Variants in ZNRF1 observed in about 807,000 individuals in gnomAD.
ZNRF1 encodes zinc and ring finger 1, also known as E3 ubiquitin-protein ligase ZNRF1.
ZNRF1 carries 3 observed loss-of-function variants against 18.4 expected under a neutral mutation model. The ratio of observed to expected loss-of-function variants is 0.16; its 90% CI spans 0.07 to 0.42. The LOEUF is 0.42. Among genes scored for constraint, ZNRF1 ranks in the 10% least tolerant of loss-of-function variants. The pLI is 0.99. For synonymous variants in ZNRF1, 157 were observed against 144.2 expected (o/e 1.09, Z -0.64); for missense variants, 310 against 329.8 (o/e 0.94, Z 0.47).
chr16:75,048,641 AT>A (rs750269730), intron 1 of ZNRF1, among the ~76,000 whole-genome samples: 13 of 152,200 alleles, frequency 8.5e-5, no homozygotes, highest in Non-Finnish European at 1.8e-4. Flanking sequence ...GAATAGAACC[AT>A]TAGGGCCTGC....
chr16:75,095,711 A>G (rs1275111291), intron 2 of ZNRF1: 3 of 1,548,372 alleles, frequency 1.9e-6, no homozygotes, highest in South Asian at 1.2e-5. Context: ...CATGGCCCAA[A>G]TGCAGAGTTA....
chr16:75,032,178 C>A (rs1238948084), intron 1 of ZNRF1, among the ~76,000 whole-genome samples: 1 of 141,260 alleles, frequency 7.1e-6, no homozygotes, highest in Non-Finnish European at 1.5e-5. Context: ...GGTACGGTCT[C>A]AGCTTACTAC....
intron 2 of ZNRF1, among the ~76,000 whole-genome samples, chr16:75,097,454 C>CTTATG (rs2036212495): frequency 2.0e-5 from 3 of 152,142 alleles, no homozygotes; most frequent in Admixed American, 2.0e-4. Flanking sequence ...TCATGATGCC[C>CTTATG]TCTTCCTCCC....
chr16:75,047,661 A>G (rs150380847), intron 1 of ZNRF1, among the ~76,000 whole-genome samples: 39 of 152,148 alleles, frequency 2.6e-4, no homozygotes, highest in African/African-American at 9.4e-4. Context: ...TACCATTTGT[A>G]GATTTTCTTG....
intron 1 of ZNRF1, among the ~76,000 whole-genome samples, chr16:75,084,214 G>C (rs748667655): frequency 6.6e-6 from 1 of 152,156 alleles, no homozygotes; most frequent in Admixed American, 6.5e-5. Context: ...CCTTAACTTC[G>C]AAGAGAGCAG....
intron 1 of ZNRF1, among the ~76,000 whole-genome samples, chr16:75,085,963 T>C (rs1469594400): frequency 6.6e-6 from 1 of 151,984 alleles, no homozygotes; most frequent in East Asian, 1.9e-4. Context: ...AGTTCGAGTT[T>C]GAAGGCCTGA....
At chr16:75,104,568 A>G in intron 2 of ZNRF1, 1 of 435,772 alleles carries the variant, frequency 2.3e-6, no homozygotes, top group Non-Finnish European at 4.2e-6. Context: ...GATTAATCCC[A>G]TTTTGTCTTT....
intron 2 of ZNRF1, 29 bp downstream of exon 2, chr16:75,093,696 CCAGAGCATCCGT>C: frequency 6.3e-7 from 1 of 1,586,572 alleles, no homozygotes; most frequent in Non-Finnish European, 8.7e-7. Flanking sequence ...TCACCAGCCT[CCAGAGCATCCGT>C]CGGGGGAGCC....
chr16:75,051,409 A>G (rs897564595), intron 1 of ZNRF1, among the ~76,000 whole-genome samples: 1 of 151,528 alleles, frequency 6.6e-6, no homozygotes, highest in Non-Finnish European at 1.5e-5. Flanking sequence ...GGGTTTCCTC[A>G]TGGTGGCCAG....
chr16:75,019,386 C>G (rs1417170992), intron 1 of ZNRF1, among the ~76,000 whole-genome samples: 3 of 152,080 alleles, frequency 2.0e-5, no homozygotes, highest in Admixed American at 1.3e-4. Context: ...TCTTCCCATG[C>G]TGGAGTGCAA....
chr16:75,054,829 C>T (rs925908842), intron 1 of ZNRF1, among the ~76,000 whole-genome samples: 4 of 152,188 alleles, frequency 2.6e-5, no homozygotes, highest in African/African-American at 4.8e-5. Flanking sequence ...GTGCTTTGGC[C>T]TTCACTGCCC....
chr16:75,078,228 G>A, intron 1 of ZNRF1, among the ~76,000 whole-genome samples: 1 of 150,884 alleles, frequency 6.6e-6, no homozygotes, highest in East Asian at 1.9e-4. Flanking sequence ...TCTGAGCCCA[G>A]ATCTCTGTTT....
Position 75,107,719 on chromosome 16 carries a change from T to A in ZNRF1, c.*33-14T>A, listed in dbSNP as rs1217668710. 5 of 456,368 alleles carry A rather than the reference T, an allele frequency of 1.1e-5. No individual in the cohort carries two copies. The Admixed American group carries it at 1.2e-4, about 11-fold the overall frequency. 28.3% of individuals were successfully genotyped at this position (456,368 alleles called of 1,614,324 possible). On this transcript the variant is annotated splice_polypyrimidine_tract_variant and intron_variant, in intron 4 of 4. Transcript: ENST00000335325. ...GCCCGATGGAGCACGACTTATTTAT[T>A]ACGGTCCACACAGGGACAGAGCGCC... is the stretch of plus-strand genomic sequence containing the variant.
At position 75,026,069 on chromosome 16, in the gene ZNRF1, A is replaced by G. The variant is rs148324529; in HGVS notation, c.424+25974A>G. Among the ~76,000 whole-genome samples, 70 of 152,282 alleles carry G rather than the reference A, an allele frequency of 4.6e-4. No individual in the cohort carries two copies. In the East Asian group the frequency reaches 0.011, roughly 24 times the overall value. ...AGGGGTCTTGTGTGGGATTGATCCA[A>G]TAACCCCATAGTTTGAGTCAGGTGA... On this transcript the variant is annotated intron_variant, in intron 1 of 4. Coordinates refer to ENST00000335325, the MANE Select transcript of ZNRF1 (RefSeq NM_032268.5).
chr16:75,035,340 T>TA (rs2035364159), intron 1 of ZNRF1, among the ~76,000 whole-genome samples: 1 of 152,224 alleles, frequency 6.6e-6, no homozygotes, highest in East Asian at 1.9e-4. Flanking sequence ...GGCCTTAAAA[T>TA]GTTTTTCTTA....
At chr16:75,046,208 A>G (rs928616038) in intron 1 of ZNRF1, among the ~76,000 whole-genome samples, 12 of 149,738 alleles carry the variant, frequency 8.0e-5, no homozygotes, top group Middle Eastern at 7.3e-3. Context: ...CGCCCAGCCA[A>G]ATGTTTGCAT....
chr16:75,057,142 A>G (rs1416778045), intron 1 of ZNRF1, among the ~76,000 whole-genome samples: 1 of 152,190 alleles, frequency 6.6e-6, no homozygotes, highest in East Asian at 1.9e-4. Flanking sequence ...ATTCAGAATC[A>G]GGTACTACCG....
chr16:75,000,474 TG>T, intron 1 of ZNRF1: 1 of 394,932 alleles, frequency 2.5e-6, no homozygotes, highest in South Asian at 2.0e-5. Context: ...AACGGAGAGA[TG>T]GAGCCAGTTG....
chr16:75,050,938 A>G (rs536775533), intron 1 of ZNRF1, among the ~76,000 whole-genome samples: 1 of 149,110 alleles, frequency 6.7e-6, no homozygotes, highest in Non-Finnish European at 1.5e-5. Flanking sequence ...CACACCTGTA[A>G]TCCTAGCACT....
Sources: gnomAD v4.1 joint callset for allele counts (sites outside exome capture counted in the v4.1 genomes callset) on GRCh38, gnomAD v4.1.1 for gene constraint, MANE v1.5 for transcripts, NCBI Gene and HGNC (gene_info 2026-07-23, HGNC 2026-07-21) for gene names.